The following HIPK2 variants were observed in gnomAD, a reference collection of about 807,000 sequenced individuals.
HIPK2 encodes homeodomain-interacting protein kinase 2.
Under a neutral mutation model 113.7 loss-of-function variants are expected in HIPK2, and 27 were observed. The ratio of observed to expected loss-of-function variants is 0.24; its 90% CI spans 0.17 to 0.33. HIPK2 has a LOEUF of 0.33. Ranked by LOEUF, HIPK2 falls within the 10% of genes least tolerant of loss-of-function variation. The pLI is 1.00. For synonymous variants in HIPK2, 631 were observed against 642.2 expected (o/e 0.98, Z 0.26); for missense variants, 1,257 against 1,588.0 (o/e 0.79, Z 3.54).
Position 139,698,165 on chromosome 7 carries a change from A to G in HIPK2, c.1103+17767T>C, listed in dbSNP as rs1794615460. ...CAGGCATGAGCTACTGCACCTAGCC[A>G]TCTTAATGGATTTTTCTATGCTGGG... is the stretch of plus-strand genomic sequence containing the variant. On this transcript the variant is annotated intron_variant, in intron 2 of 14. Coordinates refer to ENST00000406875, the MANE Select transcript of HIPK2 (RefSeq NM_022740.5). 3.9e-5 allele frequency among the ~76,000 whole-genome samples: 6 copies of G among 152,324 alleles called. No individual in the cohort carries two copies. In the South Asian group the frequency reaches 1.2e-3, roughly 32 times the overall value.
chr7:139,741,227 A>G (rs142256236), intron 1 of HIPK2, among the ~76,000 whole-genome samples: 202 of 152,328 alleles, frequency 1.3e-3, no homozygotes, highest in African/African-American at 4.6e-3. Context: ...TCTGCAGAGA[A>G]GAGCAGAAGT....
chr7:139,607,392 G>C (rs1799656409), intron 9 of HIPK2, among the ~76,000 whole-genome samples: 1 of 152,028 alleles, frequency 6.6e-6, no homozygotes, highest in Non-Finnish European at 1.5e-5. Context: ...CCCAAAAGAA[G>C]GCATGTAGTC....
At chr7:139,707,173 C>T (rs2116891543) in intron 2 of HIPK2, among the ~76,000 whole-genome samples, 1 of 152,352 alleles carries the variant, frequency 6.6e-6, no homozygotes, top group South Asian at 2.1e-4. Context: ...CATCACTCTC[C>T]CGATTCCCTT....
At chr7:139,592,994 G>A (rs889562367) in intron 12 of HIPK2, among the ~76,000 whole-genome samples, 2 of 152,126 alleles carry the variant, frequency 1.3e-5, no homozygotes, top group African/African-American at 4.8e-5. Context: ...TCTGACAAAC[G>A]CCCAGCACCA....
rs562752039 is a variant in HIPK2 at position 139,661,870 on chromosome 7, C to T, written c.1104-30145G>A. Among the ~76,000 whole-genome samples, 79 of 152,314 alleles carry T rather than the reference C, an allele frequency of 5.2e-4. 1 individual carries two copies. The South Asian group carries it at 0.013, about 24-fold the overall frequency. ...AAGATTGCATTAACCCTTTTGACAG[C>T]CACCTGATACTAACCATTCATCCTT... On this transcript the variant is annotated intron_variant, in intron 2 of 14. Transcript: ENST00000406875.
intron 12 of HIPK2, among the ~76,000 whole-genome samples, chr7:139,588,664 A>G (rs567921355): frequency 6.6e-6 from 1 of 152,222 alleles, no homozygotes; most frequent in African/African-American, 2.4e-5. Context: ...GAAAGCAGGG[A>G]GATGCTGGAG....
intron 2 of HIPK2, among the ~76,000 whole-genome samples, chr7:139,668,610 TG>T (rs1430233354): frequency 6.6e-6 from 1 of 151,804 alleles, no homozygotes; most frequent in Non-Finnish European, 1.5e-5. Flanking sequence ...TTCATTTAAC[TG>T]GGTGTCTGGT....
At chr7:139,582,886 C>G (rs1430080406) in intron 13 of HIPK2, among the ~76,000 whole-genome samples, 1 of 152,240 alleles carries the variant, frequency 6.6e-6, no homozygotes, top group Admixed American at 6.5e-5. Flanking sequence ...GTGGCAGCCC[C>G]TGAATGGGGC....
At chr7:139,584,116 C>T in intron 12 of HIPK2, 52 bp from the exon 13 acceptor site, 2 of 1,544,146 alleles carry the variant, frequency 1.3e-6, no homozygotes, top group Non-Finnish European at 1.7e-6. Context: ...TGAGGTGAGA[C>T]ACCCAACTAG....
At chr7:139,710,563 C>T (rs1795031832) in intron 2 of HIPK2, among the ~76,000 whole-genome samples, 1 of 152,226 alleles carries the variant, frequency 6.6e-6, no homozygotes, top group African/African-American at 2.4e-5. Flanking sequence ...TCCATCTCCT[C>T]AAAGAGACTG....
At chr7:139,666,606 G>T (rs1276948435) in intron 2 of HIPK2, among the ~76,000 whole-genome samples, 1 of 152,136 alleles carries the variant, frequency 6.6e-6, no homozygotes, top group Non-Finnish European at 1.5e-5. Flanking sequence ...GGCCACAAAT[G>T]AATACAATCA....
At chr7:139,679,125 C>T (rs1423643127) in intron 2 of HIPK2, among the ~76,000 whole-genome samples, 4 of 152,202 alleles carry the variant, frequency 2.6e-5, no homozygotes, top group Non-Finnish European at 2.9e-5. Flanking sequence ...GATTTGATTT[C>T]CTCTCTTCCT....
At chr7:139,743,750 T>C (rs1323659903) in intron 1 of HIPK2, among the ~76,000 whole-genome samples, 1 of 152,120 alleles carries the variant, frequency 6.6e-6, no homozygotes. Context: ...GAACAAGACA[T>C]AAGGGGATGG....
chr7:139,591,929 T>C (rs1042503627), intron 12 of HIPK2, among the ~76,000 whole-genome samples: 48 of 152,366 alleles, frequency 3.2e-4, no homozygotes, highest in African/African-American at 1.1e-3. Flanking sequence ...TAGGTAGCAA[T>C]GGAGGCTAAT....
chr7:139,751,669 C>A (rs1796282012), intron 1 of HIPK2, among the ~76,000 whole-genome samples: 1 of 151,944 alleles, frequency 6.6e-6, no homozygotes, highest in East Asian at 1.9e-4. Context: ...TGCACACAAA[C>A]CATCACTTAG....
chr7:139,596,125 T>C (rs1799204495), intron 12 of HIPK2, among the ~76,000 whole-genome samples: 2 of 152,192 alleles, frequency 1.3e-5, no homozygotes, highest in Non-Finnish European at 2.9e-5. Context: ...AAAAAGAGGC[T>C]CTGGCGCCAG....
chr7:139,694,399 G>A (rs1382292285), intron 2 of HIPK2, among the ~76,000 whole-genome samples: 5 of 151,874 alleles, frequency 3.3e-5, no homozygotes, highest in Non-Finnish European at 5.9e-5. Flanking sequence ...TGATCATGAC[G>A]TATCCCAGCA....
intron 11 of HIPK2, among the ~76,000 whole-genome samples, chr7:139,598,815 T>C (rs1185670533): frequency 6.6e-6 from 1 of 152,210 alleles, no homozygotes; most frequent in Non-Finnish European, 1.5e-5. Flanking sequence ...CATGTGACCT[T>C]GCTGGGCATG....
intron 2 of HIPK2, among the ~76,000 whole-genome samples, chr7:139,673,963 C>T (rs191305887): frequency 3.4e-5 from 5 of 146,048 alleles, no homozygotes; most frequent in Admixed American, 6.9e-5. Flanking sequence ...CCCAGCAACT[C>T]GGGAGGCTGA....
Sources: allele counts gnomAD v4.1 joint callset (sites outside exome capture counted in the v4.1 genomes callset), GRCh38; gene constraint gnomAD v4.1.1; transcripts MANE v1.5; gene names NCBI Gene and HGNC (gene_info 2026-07-23, HGNC 2026-07-21).